Variants in SLC35D2 observed in about 807,000 individuals in gnomAD.
The protein encoded by SLC35D2 is nucleotide sugar transporter SLC35D2.
A neutral mutation model predicts 41.8 loss-of-function variants in SLC35D2; 43 were observed. The ratio of observed to expected loss-of-function variants is 1.03; its 90% CI spans 0.81 to 1.33. The LOEUF (loss-of-function observed/expected upper bound fraction) is 1.33, where lower values mean the gene tolerates loss of function less well. SLC35D2 is among the 40% of genes most tolerant of loss of function. The pLI, the probability that SLC35D2 is intolerant of heterozygous loss-of-function variation, is 0.00. For synonymous variants in SLC35D2, 150 were observed against 163.9 expected, an observed-to-expected ratio of 0.92 and a Z score of 0.65; for missense variants, 380 against 408.4, an observed-to-expected ratio of 0.93 and a Z score of 0.60.
intron 4 of SLC35D2, among the ~76,000 whole-genome samples, chr9:96,354,829 G>C (rs1279486278): frequency 9.3e-6 from 1 of 107,082 alleles, no homozygotes; most frequent in South Asian, 3.2e-4. Flanking sequence ...GCATCAAAAA[G>C]AATAAAATTC....
downstream of SLC35D2, among the ~76,000 whole-genome samples, chr9:96,317,227 G>T (rs1314651061): frequency 2.0e-5 from 3 of 152,110 alleles, no homozygotes; most frequent in East Asian, 5.8e-4. Flanking sequence ...CAAGAGGTGT[G>T]CAAAATATCA....
chr9:96,316,265 C>T (rs1828050667), downstream of SLC35D2, among the ~76,000 whole-genome samples: 1 of 152,126 alleles, frequency 6.6e-6, no homozygotes, highest in Admixed American at 6.5e-5. Flanking sequence ...CTTTGGGAGG[C>T]TGAGGCAGGT....
In SLC35D2 at chr9:96,372,349, A is replaced by G. The variant is rs549419127; in HGVS notation, c.159-4044T>C. On this transcript the variant is annotated intron_variant, in intron 1 of 11. Transcript: ENST00000253270. ...CAATATTACGGGGAGGGAGTGGGATAGGGAACTTTTCTACATTAAAAGAAA... is the reference window on the plus strand; with the variant it reads ...CAATATTACGGGGAGGGAGTGGGATGGGGAACTTTTCTACATTAAAAGAAA... Among the ~76,000 whole-genome samples the G allele has an allele frequency of 3.3e-4, 51 of 152,278 alleles. No individual in the cohort carries two copies. The South Asian group carries it at 0.01, about 30-fold the overall frequency.
At chr9:96,359,634 G>A (rs1409036510) in intron 4 of SLC35D2, among the ~76,000 whole-genome samples, 1 of 151,556 alleles carries the variant, frequency 6.6e-6, no homozygotes, top group East Asian at 1.9e-4. Flanking sequence ...AGGTTGTAGT[G>A]AGTCAAGATA....
chr9:96,374,849 A>T (rs1483507709), intron 1 of SLC35D2, among the ~76,000 whole-genome samples: 1 of 151,866 alleles, frequency 6.6e-6, no homozygotes, highest in African/African-American at 2.4e-5. Flanking sequence ...GCCTCAAAAA[A>T]AAAAAAAAAA....
At chr9:96,343,521 A>G (rs1829433986) in intron 8 of SLC35D2, among the ~76,000 whole-genome samples, 1 of 152,240 alleles carries the variant, frequency 6.6e-6, no homozygotes. Context: ...CATGTTTCAA[A>G]ATGTCCGTAA....
intron 9 of SLC35D2, among the ~76,000 whole-genome samples, chr9:96,329,645 GCAAGTTT>G (rs1432173342): frequency 6.6e-6 from 1 of 152,164 alleles, no homozygotes; most frequent in Non-Finnish European, 1.5e-5. Context: ...CTGTCCATTT[GCAAGTTT>G]GATAATTGCT....
chr9:96,322,808 TC>T (rs1828314629), intron 10 of SLC35D2, among the ~76,000 whole-genome samples: 1 of 146,056 alleles, frequency 6.8e-6, no homozygotes, highest in Non-Finnish European at 1.5e-5. Flanking sequence ...AACCTTTGCC[TC>T]CCAGGTTCAA....
chr9:96,364,267 G>A (rs534828810), intron 3 of SLC35D2, among the ~76,000 whole-genome samples, 197 bp downstream of exon 3: 6 of 152,224 alleles, frequency 3.9e-5, no homozygotes, highest in South Asian at 4.2e-4. Context: ...CCCAGGAGGC[G>A]GAGATTGCAG....
At chr9:96,365,331 C>T (rs1830436221) in intron 2 of SLC35D2, among the ~76,000 whole-genome samples, 1 of 151,344 alleles carries the variant, frequency 6.6e-6, no homozygotes, top group Non-Finnish European at 1.5e-5. Context: ...TGCACTCCAG[C>T]TTGGGAGACA....
In SLC35D2 at chr9:96,360,450, G is replaced by A. The variant is rs10990693; in HGVS notation, c.280-229C>T. ...TCGAGACCAGACTGACCAACACAGC[G>A]AAACCCCATTTCTACTAAAAATACA... On this transcript the variant is annotated intron_variant, in intron 3 of 11. Transcript: ENST00000253270. Among the ~76,000 whole-genome samples the A allele has an allele frequency of 1.3e-3, 203 of 151,712 alleles. 2 individuals are homozygous for A. In the East Asian group the frequency reaches 0.037, roughly 27 times the overall value.
At chr9:96,383,434 C>T in intron 1 of SLC35D2, 43 bp downstream of exon 1, 2 of 1,472,702 alleles carry the variant, frequency 1.4e-6, no homozygotes, top group Non-Finnish European at 1.8e-6. Flanking sequence ...ACAGGGGCAG[C>T]CCCGCACTCC....
At position 96,368,325 on chromosome 9, in the gene SLC35D2, AC is replaced by A; in HGVS notation, c.159-21del. On this transcript the variant is annotated intron_variant, in intron 1 of 11. Transcript: ENST00000253270. ...GGGAAACTACAAAGGACACAGAACA[AC>A]AAATCAGTTGAGCAAATATAAAACT... 1 of 1,600,878 alleles carries A rather than the reference AC, an allele frequency of 6.2e-7. No homozygotes were observed. Among genetic ancestry groups the A allele is most frequent in the Non-Finnish European group, 8.5e-7 (1 of 1,171,012 alleles).
At chr9:96,332,386 G>A (rs1828846810) in intron 9 of SLC35D2, among the ~76,000 whole-genome samples, 1 of 152,150 alleles carries the variant, frequency 6.6e-6, no homozygotes, top group Non-Finnish European at 1.5e-5. Flanking sequence ...TACTTTGACT[G>A]AGAAACTACA....
chr9:96,353,023 A>T (rs529573121), intron 4 of SLC35D2, among the ~76,000 whole-genome samples: 15 of 152,058 alleles, frequency 9.9e-5, no homozygotes, highest in Admixed American at 2.6e-4. Context: ...TCAAAAAAAT[A>T]AAAAAAAGTT....
intron 6 of SLC35D2, among the ~76,000 whole-genome samples, chr9:96,347,559 T>C (rs980869403): frequency 6.6e-6 from 1 of 152,122 alleles, no homozygotes; most frequent in Non-Finnish European, 1.5e-5. Flanking sequence ...CTTTTATTTT[T>C]GTAGAGACAG....
In SLC35D2 at chr9:96,323,555, C is replaced by T. The variant is rs189436671; in HGVS notation, c.831+536G>A. ...CCCAGACCCACCCCCTCTGAGCCACCCCCAACTTAAAAGTTATAATTCATC... is the reference window on the plus strand; with the variant it reads ...CCCAGACCCACCCCCTCTGAGCCACTCCCAACTTAAAAGTTATAATTCATC... On this transcript the variant is annotated intron_variant, in intron 10 of 11. Coordinates refer to ENST00000253270, the MANE Select transcript of SLC35D2 (RefSeq NM_007001.3). Among the ~76,000 whole-genome samples, 146 of 152,206 alleles carry T rather than the reference C, an allele frequency of 9.6e-4. 1 individual carries two copies. The highest frequency in any genetic ancestry group is 3.1e-3 in the African/African-American group (128 of 41,526).
At chr9:96,327,201 C>T (rs1828576499) in intron 9 of SLC35D2, among the ~76,000 whole-genome samples, 1 of 152,194 alleles carries the variant, frequency 6.6e-6, no homozygotes, top group Non-Finnish European at 1.5e-5. Context: ...TCCAGGGTTC[C>T]AATCATGCAA....
Position 96,343,119 on chromosome 9 carries a change from C to T in SLC35D2, c.684+785G>A, listed in dbSNP as rs574854434. On this transcript the variant is annotated intron_variant, in intron 8 of 11. Transcript: ENST00000253270. ...AAGTTCTCAGAGGCTGTGTGGCCCG[C>T]GACTTCCTGAAGAAGTCCGGGCTTG... Among the ~76,000 whole-genome samples the T allele has an allele frequency of 8.5e-5, 13 of 152,328 alleles. No homozygotes were observed. The East Asian group carries it at 1.5e-3, about 18-fold the overall frequency.
Sources: allele counts gnomAD v4.1 joint callset (sites outside exome capture counted in the v4.1 genomes callset), GRCh38; gene constraint gnomAD v4.1.1; transcripts MANE v1.5; gene names NCBI Gene and HGNC (gene_info 2026-07-23, HGNC 2026-07-21).